Variants in MAP3K2 observed in about 807,000 individuals in gnomAD.
MAP3K2 encodes the protein MAP/ERK kinase kinase 2.
A neutral mutation model predicts 80.3 loss-of-function variants in MAP3K2; 24 were observed. That is an observed-to-expected ratio of 0.30 (90% CI 0.22 to 0.42). The LOEUF (loss-of-function observed/expected upper bound fraction) is 0.42, where lower values mean the gene tolerates loss of function less well. Among genes scored for constraint, MAP3K2 ranks in the 10% least tolerant of loss-of-function variants. The probability of loss-of-function intolerance (pLI) is 1.00; values close to 1 mark genes in which losing one functional copy is unlikely to be tolerated. For synonymous variants in MAP3K2, 244 were observed against 253.7 expected (o/e 0.96, Z 0.36); for missense variants, 608 against 750.1 (o/e 0.81, Z 2.21).
chr2:127,320,080 T>C lies in MAP3K2; in HGVS notation c.1046-1763A>G, dbSNP rs78253244. 5.0e-3 allele frequency among the ~76,000 whole-genome samples: 759 copies of C among 152,204 alleles called. 3 individuals carry two copies. The highest frequency in any genetic ancestry group is 7.8e-3 in the Non-Finnish European group (528 of 68,000). On this transcript the variant is annotated intron_variant, in intron 12 of 16. Transcript: ENST00000682094. ...CATACATTCTATTTACCTCCTCCCT[T>C]ATCCTATACATGATATCTGGCATTC...
intron 14 of MAP3K2, among the ~76,000 whole-genome samples, chr2:127,316,013 T>C (rs1685895110): frequency 6.6e-6 from 1 of 151,888 alleles, no homozygotes; most frequent in Non-Finnish European, 1.5e-5. Context: ...AGGTGGAAGT[T>C]GCAGTGAGCC....
chr2:127,319,306 A>G (rs1237255574), intron 12 of MAP3K2, among the ~76,000 whole-genome samples: 2 of 151,642 alleles, frequency 1.3e-5, no homozygotes, highest in Non-Finnish European at 2.9e-5. Context: ...GACCCTGATC[A>G]TTAGAGCACT....
At chr2:127,313,384 C>T (rs1354091140) in intron 15 of MAP3K2, among the ~76,000 whole-genome samples, 1 of 152,194 alleles carries the variant, frequency 6.6e-6, no homozygotes, top group African/African-American at 2.4e-5. Flanking sequence ...ATGCGTAGAT[C>T]ATGAGCAATG....
chr2:127,338,178 C>A (rs72845979), intron 3 of MAP3K2, among the ~76,000 whole-genome samples: 40,743 of 151,996 alleles, frequency 0.27, 5,708 homozygotes, highest in Middle Eastern at 0.32. Context: ...AAGAACAAAA[C>A]AAAACACAAT....
At chr2:127,382,884 T>A (rs1687270737) in intron 1 of MAP3K2, among the ~76,000 whole-genome samples, 1 of 152,216 alleles carries the variant, frequency 6.6e-6, no homozygotes, top group African/African-American at 2.4e-5. Context: ...AGTAGTGTAT[T>A]AGGCCATTCT....
At chr2:127,343,046 T>C (rs1228288735) in intron 2 of MAP3K2, 80 bp downstream of exon 2, 3 of 1,054,188 alleles carry the variant, frequency 2.8e-6, no homozygotes, top group Admixed American at 2.4e-5. Flanking sequence ...AGGTTTATAA[T>C]AACACATAAT....
rs1685544135 is a variant in MAP3K2, at chr2:127,299,247, G to A, written c.*8332C>T. ...ACAAAGTTTTCTTTAATACTACATT[G>A]TCTGATTGGAAATTTCATTTCCAAT... On this transcript the variant is annotated 3_prime_UTR_variant, in exon 17 of 17. Transcript: ENST00000682094. 6.6e-6 allele frequency: 1 copy of A among 152,088 alleles called. No homozygotes were observed. The highest frequency in any genetic ancestry group is 1.5e-5 in the Non-Finnish European group (1 of 67,994). 9.4% of individuals were successfully genotyped at this position (152,088 alleles called of 1,614,324 possible).
chr2:127,323,594 A>C (rs1050504094), intron 11 of MAP3K2, among the ~76,000 whole-genome samples: 2 of 151,940 alleles, frequency 1.3e-5, no homozygotes, highest in South Asian at 2.1e-4. Flanking sequence ...TCAGGAAGCC[A>C]AGGCAGGAAG....
At chr2:127,377,848 T>C (rs1687176894) in intron 1 of MAP3K2, among the ~76,000 whole-genome samples, 3 of 151,854 alleles carry the variant, frequency 2.0e-5, no homozygotes, top group Non-Finnish European at 4.4e-5. Flanking sequence ...AAAAAGGAAA[T>C]GGGTGAAATC....
chr2:127,332,169 A>G (rs1053678076), intron 5 of MAP3K2, among the ~76,000 whole-genome samples: 1 of 152,172 alleles, frequency 6.6e-6, no homozygotes, highest in Non-Finnish European at 1.5e-5. Flanking sequence ...ACTTAAACAC[A>G]TTTCTATTTC....
intron 15 of MAP3K2, among the ~76,000 whole-genome samples, chr2:127,313,347 G>A (rs72845968): frequency 0.034 from 5,162 of 152,258 alleles, 125 homozygotes; most frequent in Middle Eastern, 0.071. Flanking sequence ...ATCAGGTTTC[G>A]TACTTAACAA....
chr2:127,313,908 G>A lies in MAP3K2; in HGVS notation c.1456+846C>T, dbSNP rs574571422. On this transcript the variant is annotated intron_variant, in intron 15 of 16. Coordinates refer to ENST00000682094, the MANE Select transcript of MAP3K2 (RefSeq NM_001371910.2). ...TGGACTTGAACTCCTGGGTTCAAGC[G>A]ATCCTCCTGCCTCAGCCTCCCAGGT... 3.3e-5 allele frequency among the ~76,000 whole-genome samples: 5 copies of A among 152,210 alleles called. No homozygotes were observed. The South Asian group carries it at 8.3e-4, about 25-fold the overall frequency.
Position 127,353,388 on chromosome 2 carries a change from G to T in MAP3K2, c.-65-10194C>A, listed in dbSNP as rs561934126. ...AGGTGAGGAGCATCTCCGCCCGGCC[G>T]CCCCATCTGAGAAGTGAGGAGACCC... On this transcript the variant is annotated intron_variant, in intron 1 of 16. Transcript: ENST00000682094. Among the ~76,000 whole-genome samples, 7 of 150,762 alleles carry T rather than the reference G, an allele frequency of 4.6e-5. No individual in the cohort carries two copies. In the South Asian group the frequency reaches 1.5e-3, roughly 32 times the overall value.
intron 1 of MAP3K2, among the ~76,000 whole-genome samples, chr2:127,386,333 A>G (rs1233886542): frequency 6.6e-6 from 1 of 152,250 alleles, no homozygotes; most frequent in African/African-American, 2.4e-5. Context: ...ACTGACTAGT[A>G]GCACTCCATA....
intron 13 of MAP3K2, 101 bp from the exon 14 acceptor site, chr2:127,317,861 G>C (rs953960061): frequency 1.8e-6 from 2 of 1,108,784 alleles, no homozygotes; most frequent in Non-Finnish European, 2.5e-6. Flanking sequence ...GAAAATTTTA[G>C]TTCCCAAGTA....
At chr2:127,324,113 C>T in intron 10 of MAP3K2, 61 bp downstream of exon 10, 2 of 1,235,418 alleles carry the variant, frequency 1.6e-6, no homozygotes, top group South Asian at 1.5e-5. Context: ...CCTCTCCCTC[C>T]CAGCCAAAAC....
chr2:127,342,039 G>GCA (rs79485520), intron 2 of MAP3K2, among the ~76,000 whole-genome samples: 7 of 152,014 alleles, frequency 4.6e-5, no homozygotes, highest in African/African-American at 1.7e-4. Flanking sequence ...GACTAACTTT[G>GCA]TATGTTTTTA....
At chr2:127,328,338 TAAGA>T (rs756653337) in intron 7 of MAP3K2, among the ~76,000 whole-genome samples, 19 of 152,156 alleles carry the variant, frequency 1.2e-4, no homozygotes, top group Admixed American at 7.9e-4. Context: ...CGTAATGTGA[TAAGA>T]AATGGGGATA....
At chr2:127,378,084 T>TA (rs1295766005) in intron 1 of MAP3K2, 2 of 622,788 alleles carry the variant, frequency 3.2e-6, no homozygotes, top group Non-Finnish European at 4.0e-6. Context: ...CTACAGAGAT[T>TA]AAACCTAAGA....
Sources: allele counts gnomAD v4.1 joint callset (sites outside exome capture counted in the v4.1 genomes callset), GRCh38; gene constraint gnomAD v4.1.1; transcripts MANE v1.5; gene names NCBI Gene and HGNC (gene_info 2026-07-23, HGNC 2026-07-21).